The following EVI5L variants were observed in gnomAD, a reference collection of about 807,000 sequenced individuals.
EVI5L encodes the protein EVI5-like protein.
EVI5L carries 30 observed loss-of-function variants against 106.1 expected under a neutral mutation model. The ratio of observed to expected loss-of-function variants is 0.28; its 90% CI spans 0.21 to 0.38. EVI5L has a LOEUF of 0.38. Ranked by LOEUF, EVI5L falls within the 10% of genes least tolerant of loss-of-function variation. The pLI, the probability that EVI5L is intolerant of heterozygous loss-of-function variation, is 1.00. For missense variants in EVI5L, 809 were observed against 1,098.0 expected, an observed-to-expected ratio of 0.74 and a Z score of 3.72; for synonymous variants, 489 against 483.3, an observed-to-expected ratio of 1.01 and a Z score of -0.15.
chr19:7,836,571 GGCAC>G (rs1249191525), intron 1 of EVI5L, among the ~76,000 whole-genome samples: 1 of 152,108 alleles, frequency 6.6e-6, no homozygotes, highest in African/African-American at 2.4e-5. Context: ...TGTGCCATAT[GGCAC>G]TTGTGTGTTA....
chr19:7,859,987 A>G (rs532221336), intron 13 of EVI5L, among the ~76,000 whole-genome samples: 30 of 152,340 alleles, frequency 2.0e-4, no homozygotes, highest in African/African-American at 7.2e-4. Flanking sequence ...CTCCCACCCC[A>G]GGGACCAGGT....
chr19:7,863,235 G>T lies in EVI5L; in HGVS notation c.2094G>T (p.Gln698His). Residue 698 changes from glutamine (Q) to histidine (H), a missense_variant, in exon 19 of 20, where the codon CAG becomes CAT. By Grantham distance (24) the Gln-to-His change is conservative. Coordinates refer to ENST00000538904, the MANE Select transcript of EVI5L (RefSeq NM_001159944.3). The surrounding 1 kb of genome is among the most constrained non-coding windows in gnomAD (Gnocchi z 7.7). The stretch of plus-strand genomic sequence containing the variant: ...AGCTGAACCACTCGGACTCATCGCA[G>T]TACATCCGCGAGCTCAAGGACCAGA... ...QGQLNHSDSS[Q>H]YIRELKDQIE... 1 of 1,562,830 alleles carries T rather than the reference G, an allele frequency of 6.4e-7. No individual in the cohort carries two copies. Among genetic ancestry groups the T allele is most frequent in the Non-Finnish European group, 8.7e-7 (1 of 1,153,844 alleles).
intron 1 of EVI5L, among the ~76,000 whole-genome samples, chr19:7,841,720 C>T (rs1003627588): frequency 8.5e-5 from 13 of 152,202 alleles, no homozygotes; most frequent in African/African-American, 3.1e-4. Flanking sequence ...ACCCCAGACC[C>T]AGAGGCCAGT....
chr19:7,853,810 G>T (rs1599573978), intron 10 of EVI5L, among the ~76,000 whole-genome samples: 2 of 152,148 alleles, frequency 1.3e-5, no homozygotes, highest in African/African-American at 2.4e-5. Context: ...GATGGAGCAC[G>T]CAGGGCCCAG....
chr19:7,843,658 G>T (rs1052089640), intron 1 of EVI5L, among the ~76,000 whole-genome samples: 1 of 150,894 alleles, frequency 6.6e-6, no homozygotes, highest in Non-Finnish European at 1.5e-5. Context: ...GTGTGCATGT[G>T]TGTGTATAGG....
chr19:7,853,774 C>T (rs955446929), intron 10 of EVI5L, among the ~76,000 whole-genome samples: 4 of 152,192 alleles, frequency 2.6e-5, no homozygotes, highest in Admixed American at 1.3e-4. Context: ...TGGAGGACCC[C>T]GCAAGGGGAC....
rs769686592 is a variant in EVI5L, at chr19:7,862,525, C to A, written c.1938C>A (p.Ala646=). ...AAAGCCGCCGCAAGCAGGCCGAGGC[C>A]GAGTGCAAGGTGCAGACCCCCGCGG... is the stretch of plus-strand genomic sequence containing the variant. ...LSESRRKQAE[A]ECKSKEEVMA... Residue 646 remains alanine, a synonymous_variant, in exon 17 of 20, where the codon GCC becomes GCA. Coordinates refer to ENST00000538904, the MANE Select transcript of EVI5L (RefSeq NM_001159944.3). The A allele has an allele frequency of 6.5e-7, 1 of 1,536,100 alleles. No homozygotes were observed.
At chr19:7,844,344 A>AG (rs1464340300) in intron 1 of EVI5L, among the ~76,000 whole-genome samples, 2 of 127,850 alleles carry the variant, frequency 1.6e-5, no homozygotes, top group Admixed American at 7.7e-5. Context: ...AAAAAAAAAA[A>AG]AAAAAAGAAA....
Position 7,863,479 on chromosome 19 carries a change from T to C in EVI5L, c.2195T>C (p.Leu732Pro), listed in dbSNP as rs933583975. The C allele has an allele frequency of 2.9e-5, 46 of 1,573,166 alleles. No individual in the cohort carries two copies. The highest frequency in any genetic ancestry group is 4.0e-5 in the Non-Finnish European group (46 of 1,160,696). The change falls in exon 20 of 20, where the codon CTG becomes CCG. Residue 732 changes from leucine (L) to proline (P), a missense_variant. Coordinates refer to ENST00000538904, the MANE Select transcript of EVI5L (RefSeq NM_001159944.3). The surrounding 1 kb of genome is among the most constrained non-coding windows in gnomAD (Gnocchi z 7.7). Reference protein sequence around the residue: ...PFEDPLAFDGLSLARHLDEDS... With the variant: ...PFEDPLAFDGPSLARHLDEDS... ...GAGGACCCGCTGGCTTTCGATGGGC[T>C]GAGCCTGGCGCGGCACTTGGACGAG... is the stretch of plus-strand genomic sequence containing the variant.
Position 7,863,546 on chromosome 19 carries a change from CGTGGGCGCT to C in EVI5L, c.2264_2272del (p.Val755_Ala757del). On this transcript the variant is annotated inframe_deletion, in exon 20 of 20. Transcript: ENST00000538904. The surrounding 1 kb of genome is among the most constrained non-coding windows in gnomAD (Gnocchi z 7.7). ...CGGACGAGGAGCTACTTGGCGTAGGCGTGGGCGCTGCCCTGCAGGACGCATTGTACCCTC... is the reference window on the plus strand; with the variant it reads ...CGGACGAGGAGCTACTTGGCGTAGGCGCCCTGCAGGACGCATTGTACCCTC... The C allele has an allele frequency of 6.2e-7, 1 of 1,600,004 alleles. No homozygotes were observed. Among genetic ancestry groups the C allele is most frequent in the East Asian group, 2.3e-5 (1 of 44,112 alleles).
rs1352730261 is a variant in EVI5L at position 7,848,707 on chromosome 19, T to G, written c.328-214T>G. Among the ~76,000 whole-genome samples the G allele has an allele frequency of 6.6e-6, 1 of 152,126 alleles. No homozygotes were observed. ...TCGCTTGAGCCCAGGAGTTCAAGGC[T>G]GCAGGGAGCTATGATCGCACCACTG... On this transcript the variant is annotated intron_variant, in intron 3 of 19. Coordinates refer to ENST00000538904, the MANE Select transcript of EVI5L (RefSeq NM_001159944.3). The surrounding 1 kb of genome is among the most constrained non-coding windows in gnomAD (Gnocchi z 4.8).
At position 7,848,859 on chromosome 19, in the gene EVI5L, G is replaced by T; in HGVS notation, c.328-62G>T. The T allele has an allele frequency of 6.6e-7, 1 of 1,526,638 alleles. No homozygotes were observed. Among genetic ancestry groups the T allele is most frequent in the Non-Finnish European group, 8.9e-7 (1 of 1,118,504 alleles). The allele number at this position is 1,526,638 out of a possible 1,614,324, so 94.6% of individuals were successfully genotyped here. On this transcript the variant is annotated intron_variant, in intron 3 of 19. Transcript: ENST00000538904. The surrounding 1 kb of genome is among the most constrained non-coding windows in gnomAD (Gnocchi z 4.8). ...AGCCACGCCTGAGGAGCTGGGCTGG[G>T]TGGCCACGGGGAGGCTGCGCTGGGA...
At position 7,858,269 on chromosome 19, in the gene EVI5L, A is replaced by C. The variant is rs1465394028; in HGVS notation, c.1312A>C (p.Ser438Arg). 1 of 1,554,550 alleles carries C rather than the reference A, an allele frequency of 6.4e-7. No homozygotes were observed. Among genetic ancestry groups the C allele is most frequent in the Admixed American group, 1.9e-5 (1 of 51,504 alleles). Residue 438 changes from serine (S) to arginine (R), a missense_variant, in exon 13 of 20, where the codon AGC becomes CGC. By Grantham distance (110) the Ser-to-Arg change is moderately radical. Around this residue, in one of 2 missense-constraint regions of EVI5L, gnomAD observed 452 missense variants for 509.9 expected, o/e 0.89. Transcript: ENST00000538904. This position sits in a 1 kb window ranked among gnomAD's most constrained non-coding sequence, Gnocchi z 5.7. ...RELAVVRQQC[S>R]SAAEDLQKAQ... ...GCTGGCGGTGGTGCGGCAGCAGTGC[A>C]GCTCGGCGGCCGAGGACCTGCAGAA...
Position 7,863,608 on chromosome 19 carries a change from G to A in EVI5L, c.2324G>A (p.Arg775His). ...PLSPRDARFF[R>H]RLERPAKDSE... ...TCCCCGCGCGATGCGCGCTTCTTCC[G>A]CCGTCTGGAGCGGCCGGCCAAGGAC... is the stretch of plus-strand genomic sequence containing the variant. Residue 775 changes from arginine (R) to histidine (H), a missense_variant, in exon 20 of 20, where the codon CGC becomes CAC. By Grantham distance (29) the Arg-to-His change is conservative (BLOSUM62 0). This residue lies in a region of EVI5L where 452 missense variants were observed against 509.9 expected (regional missense o/e 0.89). Transcript: ENST00000538904. The surrounding 1 kb of genome is among the most constrained non-coding windows in gnomAD (Gnocchi z 7.7). The A allele has an allele frequency of 1.9e-6, 3 of 1,569,014 alleles. No homozygotes were observed. The highest frequency in any genetic ancestry group is 1.7e-6 in the Non-Finnish European group (2 of 1,158,030).
intron 10 of EVI5L, 190 bp downstream of exon 10, chr19:7,853,523 C>A: frequency 1.4e-6 from 1 of 708,016 alleles, no homozygotes; most frequent in Non-Finnish European, 2.3e-6. Context: ...GCGCCTCCCC[C>A]GCCTGACGCC....
chr19:7,832,120 C>T (rs934649238), intron 1 of EVI5L, among the ~76,000 whole-genome samples: 2 of 152,216 alleles, frequency 1.3e-5, no homozygotes, highest in African/African-American at 2.4e-5. Context: ...TCCATCCCGC[C>T]GCCCTCCCCA....
intron 5 of EVI5L, 75 bp from the exon 6 acceptor site, chr19:7,849,922 A>AGGGCCCTGGGGTACAG: frequency 1.6e-6 from 2 of 1,247,180 alleles, no homozygotes; most frequent in Non-Finnish European, 2.3e-6. Context: ...CCTGTACCCC[A>AGGGCCCTGGGGTACAG]GGGCCCTGAT....
chr19:7,844,777 G>C (rs1209112522), intron 1 of EVI5L, among the ~76,000 whole-genome samples: 1 of 152,208 alleles, frequency 6.6e-6, no homozygotes, highest in Non-Finnish European at 1.5e-5. Flanking sequence ...CGGCAGACTA[G>C]GGGAACGCTT....
intron 8 of EVI5L, among the ~76,000 whole-genome samples, chr19:7,852,448 T>C (rs1448987644): frequency 6.6e-6 from 1 of 151,714 alleles, no homozygotes; most frequent in African/African-American, 2.4e-5. Context: ...GCCCCCGGCA[T>C]ACCCATCCTC....
Sources: allele counts gnomAD v4.1 joint callset (sites outside exome capture counted in the v4.1 genomes callset), GRCh38; gene constraint gnomAD v4.1.1; regional missense constraint gnomAD v4.1.1; non-coding constraint Gnocchi (gnomAD v3.1); transcripts MANE v1.5; gene names NCBI Gene and HGNC (gene_info 2026-07-23, HGNC 2026-07-21).